Variants in COL27A1 observed in about 807,000 individuals in gnomAD.
The protein encoded by COL27A1 is collagen alpha-1(XXVII) chain.
COL27A1 carries 106 observed loss-of-function variants against 251.3 expected under a neutral mutation model. The observed-to-expected ratio is 0.42, with a 90% CI of 0.36 to 0.50. The LOEUF is 0.50. COL27A1 is among the 20% of genes least tolerant of loss of function. The pLI is 0.00. For synonymous variants in COL27A1, 1,000 were observed against 986.3 expected (o/e 1.01, Z -0.26); for missense variants, 2,325 against 2,522.8 (o/e 0.92, Z 1.68).
intron 3 of COL27A1, among the ~76,000 whole-genome samples, chr9:114,171,225 G>A (rs1215506453): frequency 1.3e-5 from 2 of 152,142 alleles, no homozygotes; most frequent in African/African-American, 2.4e-5. Context: ...TTTCCTCATT[G>A]GGCAGGTGAG....
chr9:114,250,856 C>T (rs1472559469), intron 25 of COL27A1, among the ~76,000 whole-genome samples, 188 bp downstream of exon 25: 1 of 152,138 alleles, frequency 6.6e-6, no homozygotes, highest in African/African-American at 2.4e-5. Flanking sequence ...CTATCCCTGC[C>T]CTACTGTCAT....
rs369072305 is a variant in COL27A1, at chr9:114,165,950, TATCC to T, written c.134-1718_134-1715del. On this transcript the variant is annotated intron_variant, in intron 2 of 60. Coordinates refer to ENST00000356083, the MANE Select transcript of COL27A1 (RefSeq NM_032888.4). ...GCCAGCCAGCCATCATCCATCCATC[TATCC>T]ATCCATCCATCCATCCATCCCTTCA... Among the ~76,000 whole-genome samples, 410 of 142,606 alleles carry T rather than the reference TATCC, an allele frequency of 2.9e-3. 1 individual carries two copies. Among genetic ancestry groups the T allele is most frequent in the African/African-American group, 9.9e-3 (378 of 38,248 alleles). 93.6% of individuals were successfully genotyped at this position (142,606 alleles called of 152,430 possible).
At chr9:114,172,252 C>T (rs1849372500) in intron 3 of COL27A1, among the ~76,000 whole-genome samples, 1 of 152,186 alleles carries the variant, frequency 6.6e-6, no homozygotes, top group Non-Finnish European at 1.5e-5. Context: ...TTCTTTCTGG[C>T]CTCTGCTGTC....
At chr9:114,217,892 T>G (rs576989670) in intron 12 of COL27A1, 2 of 461,106 alleles carry the variant, frequency 4.3e-6, no homozygotes, top group African/African-American at 4.0e-5. Flanking sequence ...GGCAGGCAGA[T>G]CGCTTGAGCC....
chr9:114,283,574 TCA>T, intron 39 of COL27A1, 133 bp from the exon 40 acceptor site: 2 of 738,832 alleles, frequency 2.7e-6, no homozygotes, highest in South Asian at 1.7e-5. Context: ...TCCGCCTTGT[TCA>T]CACACTTTGG....
Position 114,178,316 on chromosome 9 carries a change from C to T in COL27A1, c.1934C>T (p.Pro645Leu). Residue 645 changes from proline to leucine, a missense_variant, in exon 4 of 61, where the codon CCT (proline) becomes CTT (leucine). This residue lies in a region of COL27A1 where 1,183 missense variants were observed against 1,144.1 expected (regional missense o/e 1.03). Coordinates refer to ENST00000356083, the MANE Select transcript of COL27A1 (RefSeq NM_032888.4). ...LPGPPGLPGL[P>L]GIPGARGPRG... ...GGTCCCCCTGGGCTACCTGGGCTAC[C>T]TGGAATCCCTGGTGCACGTGGGCCT... 1.9e-6 allele frequency: 3 copies of T among 1,614,100 alleles called. No homozygotes were observed. Among genetic ancestry groups the T allele is most frequent in the Non-Finnish European group, 2.5e-6 (3 of 1,179,980 alleles).
chr9:114,225,467 G>A (rs1564491221), intron 14 of COL27A1, among the ~76,000 whole-genome samples: 1 of 152,204 alleles, frequency 6.6e-6, no homozygotes. Flanking sequence ...GTAACTGGGG[G>A]ATCACAGGGC....
Position 114,302,093 on chromosome 9 carries a change from G to A in COL27A1, c.4857G>A (p.Gly1619=). Residue 1619 remains glycine (G), a synonymous_variant, in exon 56 of 61, where the codon GGG becomes GGA. Transcript: ENST00000356083. ...RGRPGPPGPP[G]GPIQLQQDDL... ...GTCTTCTTTTGCAGGGTCCTCCAGG[G>A]GGTCCTATCCAATTGGTAAGTTGGA... 6.2e-7 allele frequency: 1 copy of A among 1,612,946 alleles called. No individual in the cohort carries two copies. The highest frequency in any genetic ancestry group is 8.5e-7 in the Non-Finnish European group (1 of 1,178,952).
chr9:114,264,299 T>G, intron 28 of COL27A1, 56 bp from the exon 29 acceptor site: 1 of 1,413,746 alleles, frequency 7.1e-7, no homozygotes, highest in South Asian at 1.4e-5. Context: ...CTCCTGGTTC[T>G]CCGCCCGAGG....
chr9:114,197,428 C>T (rs546786516), intron 7 of COL27A1, among the ~76,000 whole-genome samples: 75 of 152,322 alleles, frequency 4.9e-4, no homozygotes, highest in African/African-American at 1.7e-3. Flanking sequence ...TCCTTTCTGG[C>T]TCACAGAACA....
chr9:114,185,393 C>A (rs1376211762), intron 5 of COL27A1, among the ~76,000 whole-genome samples: 2 of 152,234 alleles, frequency 1.3e-5, no homozygotes, highest in Non-Finnish European at 2.9e-5. Flanking sequence ...GCCCTGAGGC[C>A]AAGGGTGAAC....
At chr9:114,205,917 A>G (rs1215508133) in intron 9 of COL27A1, 105 bp downstream of exon 9, 2 of 1,047,162 alleles carry the variant, frequency 1.9e-6, no homozygotes, top group Non-Finnish European at 2.8e-6. Flanking sequence ...AAGGAGCTGC[A>G]CCTGCTGGGT....
intron 13 of COL27A1, 145 bp downstream of exon 13, chr9:114,219,989 C>G: frequency 3.0e-6 from 2 of 666,410 alleles, no homozygotes; most frequent in South Asian, 3.4e-5. Context: ...GGACAAATTA[C>G]ATGACGTCTC....
intron 59 of COL27A1, 47 bp downstream of exon 59, chr9:114,307,825 C>G: frequency 7.1e-7 from 1 of 1,409,756 alleles, no homozygotes; most frequent in East Asian, 2.3e-5. Context: ...TGCCTCTATC[C>G]CCAGCCTGCC....
chr9:114,242,178 C>A lies in COL27A1; in HGVS notation c.2836-9C>A, dbSNP rs1393331147. 3.1e-6 allele frequency: 5 copies of A among 1,598,646 alleles called. No individual in the cohort carries two copies. Among genetic ancestry groups the A allele is most frequent in the Non-Finnish European group, 4.3e-6 (5 of 1,174,670 alleles). ...TCCTTTTTTCCTCTCTCGTGTCTCC[C>A]AATTCTAGGGAGATGAGGGACCCAT... On this transcript the variant is annotated splice_polypyrimidine_tract_variant and intron_variant, in intron 21 of 60. Transcript: ENST00000356083.
At chr9:114,213,131 C>A (rs1390035926) in intron 12 of COL27A1, among the ~76,000 whole-genome samples, 1 of 152,218 alleles carries the variant, frequency 6.6e-6, no homozygotes, top group Non-Finnish European at 1.5e-5. Flanking sequence ...GAGCTTTCAA[C>A]TCCAGTGCCA....
At chr9:114,298,816 C>A (rs764643793) in intron 49 of COL27A1, among the ~76,000 whole-genome samples, 6 of 152,060 alleles carry the variant, frequency 3.9e-5, no homozygotes, top group Non-Finnish European at 8.8e-5. Context: ...TTTGTGCTTC[C>A]AAAGGCACCA....
At chr9:114,165,573 TCATCCATC>T (rs201870359) in intron 2 of COL27A1, among the ~76,000 whole-genome samples, 1 of 136,510 alleles carries the variant, frequency 7.3e-6, no homozygotes, top group African/African-American at 2.8e-5. Context: ...ATTCATCTAT[TCATCCATC>T]CATCCATCCA....
intron 29 of COL27A1, 43 bp downstream of exon 29, chr9:114,264,451 T>A: frequency 6.9e-7 from 1 of 1,452,854 alleles, no homozygotes. Context: ...CCTCCGACAC[T>A]GGGTCAGGAA....
Sources: allele counts gnomAD v4.1 joint callset (sites outside exome capture counted in the v4.1 genomes callset), GRCh38; gene constraint gnomAD v4.1.1; regional missense constraint gnomAD v4.1.1; transcripts MANE v1.5; gene names NCBI Gene and HGNC (gene_info 2026-07-23, HGNC 2026-07-21).